Variants in FICD observed in about 807,000 individuals in gnomAD.
FICD encodes FIC domain protein adenylyltransferase.
Under a neutral mutation model 28.0 loss-of-function variants are expected in FICD, and 13 were observed. That is an observed-to-expected ratio of 0.46 (90% CI 0.30 to 0.74). The LOEUF is 0.74. Ranked by LOEUF, FICD falls within the 30% of genes least tolerant of loss-of-function variation. The pLI is 0.07. For missense variants in FICD, 576 were observed against 624.5 expected, an observed-to-expected ratio of 0.92 and a Z score of 0.83; for synonymous variants, 268 against 266.4, an observed-to-expected ratio of 1.01 and a Z score of -0.06.
chr12:108,517,346 A>T, intron 2 of FICD, 73 bp downstream of exon 2: 10 of 1,265,368 alleles, frequency 7.9e-6, no homozygotes, highest in Non-Finnish European at 1.0e-5. Context: ...CATGTCCTGT[A>T]TGTGGGGCAT....
In FICD at chr12:108,515,328, G is replaced by C. The variant is rs1019466062; in HGVS notation, c.-92G>C. 6.6e-6 allele frequency: 1 copy of C among 152,594 alleles called. No homozygotes were observed. The highest frequency in any genetic ancestry group is 2.1e-4 in the South Asian group (1 of 4,850). The allele number at this position is 152,594 out of a possible 1,614,324, so 9.5% of individuals were successfully genotyped here. On this transcript the variant is annotated 5_prime_UTR_variant, in exon 1 of 3. Transcript: ENST00000552695. ...CCGGCGGCCCGGAGCTGGGAGCGCG[G>C]GGAAGGCGGTTGGGGTTCTGACAGC... is the stretch of plus-strand genomic sequence containing the variant.
chr12:108,517,008 G>A lies in FICD; in HGVS notation c.36G>A (p.Val12=). 6.5e-7 allele frequency: 1 copy of A among 1,547,396 alleles called. No homozygotes were observed. Among genetic ancestry groups the A allele is most frequent in the Non-Finnish European group, 8.8e-7 (1 of 1,140,682 alleles). ...MLIPMASVMA[V]TEPKWVSVWS... is the part of the protein sequence containing the mutation. ...TACCAATGGCTTCAGTGATGGCGGT[G>A]ACTGAACCGAAATGGGTCTCGGTCT... The change falls in exon 2 of 3, where the codon GTG becomes GTA. Residue 12 remains valine, a synonymous_variant. Transcript: ENST00000552695.
In FICD at chr12:108,518,459, A is replaced by G. The variant is rs749339574; in HGVS notation, c.361A>G (p.Lys121Glu). 6.2e-7 allele frequency: 1 copy of G among 1,614,190 alleles called. No individual in the cohort carries two copies. Among genetic ancestry groups the G allele is most frequent in the Non-Finnish European group, 8.5e-7 (1 of 1,180,038 alleles). ...NQALEMKRQG[K>E]REKAQKLFMH... is the part of the protein sequence containing the mutation. The stretch of plus-strand genomic sequence containing the variant: ...GGCCCTGGAGATGAAGCGCCAGGGC[A>G]AGCGGGAAAAAGCCCAAAAGCTCTT... Residue 121 changes from lysine (K) to glutamate (E), a missense_variant, in exon 3 of 3, where the codon AAG becomes GAG. Physicochemically the swap from Lys to Glu is moderately conservative, Grantham distance 56. Transcript: ENST00000552695. The surrounding 1 kb of genome is among the most constrained non-coding windows in gnomAD (Gnocchi z 4.4).
rs1232909818 is a variant in FICD, at chr12:108,518,842, G to A, written c.744G>A (p.Glu248=). 6.2e-7 allele frequency: 1 copy of A among 1,614,180 alleles called. No homozygotes were observed. Among genetic ancestry groups the A allele is most frequent in the South Asian group, 1.1e-5 (1 of 91,082 alleles). Residue 248 remains glutamate (E), a synonymous_variant, in exon 3 of 3, where the codon GAG becomes GAA. Transcript: ENST00000552695. This position sits in a 1 kb window ranked among gnomAD's most constrained non-coding sequence, Gnocchi z 4.4. ...TCTCGGAAATCAGGCACATCCTGGA[G>A]ACCCGCTACGCCGTGCCCGGGAAGA... The part of the protein sequence containing the change: ...LTLSEIRHIL[E]TRYAVPGKSL...
chr12:108,519,365 G>A lies in FICD; in HGVS notation c.1267G>A (p.Glu423Lys), dbSNP rs1183824515. ...CATTCGCTTCATCGCCAAGTGTACT[G>A]AGACCACCCTGGACACCCTGCTTTT... ...PFIRFIAKCT[E>K]TTLDTLLFAT... Residue 423 changes from glutamate to lysine, a missense_variant, in exon 3 of 3, where the codon GAG becomes AAG. Coordinates refer to ENST00000552695, the MANE Select transcript of FICD (RefSeq NM_007076.3). This position sits in a 1 kb window ranked among gnomAD's most constrained non-coding sequence, Gnocchi z 4.5. 6.2e-7 allele frequency: 1 copy of A among 1,614,146 alleles called. No homozygotes were observed.
At position 108,520,127 on chromosome 12, in the gene FICD, A is replaced by G. The variant is rs1029771329; in HGVS notation, c.*652A>G. The G allele has an allele frequency of 8.9e-6, 1 of 112,322 alleles. No homozygotes were observed. The highest frequency in any genetic ancestry group is 3.5e-5 in the African/African-American group (1 of 28,382). 7.0% of individuals were successfully genotyped at this position (112,322 alleles called of 1,614,324 possible). A position where few individuals can be genotyped will look rare whatever the true frequency, so the allele number is the denominator to read the frequency against. On this transcript the variant is annotated 3_prime_UTR_variant, in exon 3 of 3. Transcript: ENST00000552695. ...TTTTTCATATTGAGACTATTTTTCT[A>G]ATTAAGAATAGGGGGTAGCCATAAA... is the stretch of plus-strand genomic sequence containing the variant.
rs750298480 is a variant in FICD, at chr12:108,518,417, A to G, written c.319A>G (p.Arg107Gly). 41 of 1,613,800 alleles carry G rather than the reference A, an allele frequency of 2.5e-5. No individual in the cohort carries two copies. The highest frequency in any genetic ancestry group is 3.1e-5 in the Non-Finnish European group (37 of 1,179,856). ...TCTTCCAGCGGGTAAGTTGGAAGCCAGAGCTGCCCTGAACCAGGCCCTGGA... is the reference window on the plus strand; with the variant it reads ...TCTTCCAGCGGGTAAGTTGGAAGCCGGAGCTGCCCTGAACCAGGCCCTGGA... ...KASPAGKLEA[R>G]AALNQALEMK... Residue 107 changes from arginine to glycine, a missense_variant, in exon 3 of 3, where the codon AGA (arginine) becomes GGA (glycine). By Grantham distance (125) the Arg-to-Gly change is moderately radical. Coordinates refer to ENST00000552695, the MANE Select transcript of FICD (RefSeq NM_007076.3). The surrounding 1 kb of genome is among the most constrained non-coding windows in gnomAD (Gnocchi z 4.4).
chr12:108,518,938 G>A lies in FICD; in HGVS notation c.840G>A (p.Ser280=), dbSNP rs375100196. ...AGTACATCAACACGACTCTGGTTTC[G>A]CGCATCGGCTCCGTCACCATCAGCG... is the stretch of plus-strand genomic sequence containing the variant. The part of the protein sequence containing the change: ...AMKYINTTLV[S]RIGSVTISDV... Residue 280 remains serine, a synonymous_variant, in exon 3 of 3, where the codon TCG becomes TCA. Coordinates refer to ENST00000552695, the MANE Select transcript of FICD (RefSeq NM_007076.3). The surrounding 1 kb of genome is among the most constrained non-coding windows in gnomAD (Gnocchi z 4.4). 1.2e-5 allele frequency: 19 copies of A among 1,614,060 alleles called. No individual in the cohort carries two copies. The highest frequency in any genetic ancestry group is 3.3e-5 in the South Asian group (3 of 91,092).
intron 1 of FICD, among the ~76,000 whole-genome samples, chr12:108,516,612 G>C (rs1017259601): frequency 3.3e-5 from 5 of 152,234 alleles, no homozygotes; most frequent in Non-Finnish European, 5.9e-5. Flanking sequence ...ATCAGCTCAA[G>C]TCGTTGAAGA....
Position 108,519,559 on chromosome 12 carries a change from T to A in FICD, c.*84T>A. The A allele has an allele frequency of 2.6e-6, 2 of 780,074 alleles. No homozygotes were observed. The highest frequency in any genetic ancestry group is 2.2e-5 in the South Asian group (1 of 44,718). The allele number at this position is 780,074 out of a possible 1,614,324, so 48.3% of individuals were successfully genotyped here. A position where few individuals can be genotyped will look rare whatever the true frequency, so the allele number is the denominator to read the frequency against. ...CATTTCTAGAAACCTAGTCACTTCCTAAAGCAAAAGGAGAAACATTCTTTA... is the reference window on the plus strand; with the variant it reads ...CATTTCTAGAAACCTAGTCACTTCCAAAAGCAAAAGGAGAAACATTCTTTA... On this transcript the variant is annotated 3_prime_UTR_variant, in exon 3 of 3. Transcript: ENST00000552695. This position sits in a 1 kb window ranked among gnomAD's most constrained non-coding sequence, Gnocchi z 4.5.
rs1278649022 is a variant in FICD, at chr12:108,520,166, G to A, written c.*691G>A. On this transcript the variant is annotated 3_prime_UTR_variant, in exon 3 of 3. Coordinates refer to ENST00000552695, the MANE Select transcript of FICD (RefSeq NM_007076.3). ...GGTAGCCATAAAGAGCTGTATGTTG[G>A]AGGGGGAAACATGGTGGGCGGGCAG... 3 of 148,296 alleles carry A rather than the reference G, an allele frequency of 2.0e-5. No individual in the cohort carries two copies. The highest frequency in any genetic ancestry group is 7.5e-5 in the African/African-American group (3 of 40,228). The allele number at this position is 148,296 out of a possible 1,614,324, so 9.2% of individuals were successfully genotyped here.
At position 108,518,931 on chromosome 12, in the gene FICD, T is replaced by C; in HGVS notation, c.833T>C (p.Leu278Pro). The C allele has an allele frequency of 6.2e-7, 1 of 1,614,170 alleles. No homozygotes were observed. The highest frequency in any genetic ancestry group is 8.5e-7 in the Non-Finnish European group (1 of 1,180,036). Residue 278 changes from leucine (L) to proline (P), a missense_variant, in exon 3 of 3, where the codon CTG becomes CCG. Transcript: ENST00000552695. This position sits in a 1 kb window ranked among gnomAD's most constrained non-coding sequence, Gnocchi z 4.4. Reference protein sequence around the residue: ...HAAMKYINTTLVSRIGSVTIS... With the variant: ...HAAMKYINTTPVSRIGSVTIS... ...GCCATGAAGTACATCAACACGACTC[T>C]GGTTTCGCGCATCGGCTCCGTCACC...
intron 2 of FICD, among the ~76,000 whole-genome samples, chr12:108,517,609 AAG>A (rs1165185056): frequency 6.6e-6 from 1 of 152,166 alleles, no homozygotes; most frequent in Non-Finnish European, 1.5e-5. Context: ...TAACTGTCGT[AAG>A]AGAGCCTGGG....
Position 108,515,380 on chromosome 12 carries a change from C to T in FICD, c.-59+19C>T, listed in dbSNP as rs1871881212. On this transcript the variant is annotated intron_variant, in intron 1 of 2. Coordinates refer to ENST00000552695, the MANE Select transcript of FICD (RefSeq NM_007076.3). ...GCGCGCGGTGAGAAGGGGAAAAGCCCTAGGGGCTCGAGAGGATGAAGCCGG... is the reference window on the plus strand; with the variant it reads ...GCGCGCGGTGAGAAGGGGAAAAGCCTTAGGGGCTCGAGAGGATGAAGCCGG... The T allele has an allele frequency of 6.6e-6, 1 of 152,308 alleles. No homozygotes were observed. The highest frequency in any genetic ancestry group is 2.4e-5 in the African/African-American group (1 of 41,440). The allele number at this position is 152,308 out of a possible 1,614,324, so 9.4% of individuals were successfully genotyped here. A position where few individuals can be genotyped will look rare whatever the true frequency, so the allele number is the denominator to read the frequency against.
Position 108,517,097 on chromosome 12 carries a change from T to C in FICD, c.125T>C (p.Leu42Pro), listed in dbSNP as rs1330589352. ...MVLGSLLALL[L>P]PLGAVEEQCL... ...CTGGGGTCCCTGCTGGCCCTGCTGC[T>C]GCCGCTGGGGGCTGTGGAGGAGCAG... The change falls in exon 2 of 3, where the codon CTG becomes CCG. Residue 42 changes from leucine (L) to proline (P), a missense_variant. Transcript: ENST00000552695. 22 of 1,610,526 alleles carry C rather than the reference T, an allele frequency of 1.4e-5. No homozygotes were observed. Among genetic ancestry groups the C allele is most frequent in the Non-Finnish European group, 1.9e-5 (22 of 1,178,274 alleles).
chr12:108,516,653 G>A (rs1039395697), intron 1 of FICD, among the ~76,000 whole-genome samples: 3 of 152,198 alleles, frequency 2.0e-5, no homozygotes, highest in African/African-American at 7.2e-5. Flanking sequence ...GAGGCATTTG[G>A]TGCTTAGCAC....
chr12:108,519,620 C>T lies in FICD; in HGVS notation c.*145C>T, dbSNP rs892905864. ...TTTTAGTTTTAAAAAAAAAAAAAAA[C>T]TAAGTTATGAAGCCTTGTCTCTAAA... On this transcript the variant is annotated 3_prime_UTR_variant, in exon 3 of 3. Transcript: ENST00000552695. This position sits in a 1 kb window ranked among gnomAD's most constrained non-coding sequence, Gnocchi z 4.5. 8.7e-6 allele frequency: 5 copies of T among 574,126 alleles called. No homozygotes were observed. The highest frequency in any genetic ancestry group is 2.9e-5 in the East Asian group (1 of 34,174). 35.6% of individuals were successfully genotyped at this position (574,126 alleles called of 1,614,324 possible). A position where few individuals can be genotyped will look rare whatever the true frequency, so the allele number is the denominator to read the frequency against.
Position 108,520,833 on chromosome 12 carries a change from G to C in FICD, c.*1358G>C, listed in dbSNP as rs1475704902. The C allele has an allele frequency of 6.6e-6, 1 of 152,218 alleles. No individual in the cohort carries two copies. The highest frequency in any genetic ancestry group is 1.5e-5 in the Non-Finnish European group (1 of 68,036). The allele number at this position is 152,218 out of a possible 1,614,324, so 9.4% of individuals were successfully genotyped here. ...TGAGTGATGGCGAATACGCAGTGTT[G>C]TCTCTTTGATTTGGTAATTCCGTTC... On this transcript the variant is annotated 3_prime_UTR_variant, in exon 3 of 3. Transcript: ENST00000552695.
In FICD at chr12:108,519,623, AGTTATG is replaced by A; in HGVS notation, c.*149_*154del. On this transcript the variant is annotated 3_prime_UTR_variant, in exon 3 of 3. Coordinates refer to ENST00000552695, the MANE Select transcript of FICD (RefSeq NM_007076.3). The surrounding 1 kb of genome is among the most constrained non-coding windows in gnomAD (Gnocchi z 4.5). ...TAGTTTTAAAAAAAAAAAAAAACTA[AGTTATG>A]AAGCCTTGTCTCTAAAATAACTTAT... 1.7e-6 allele frequency: 1 copy of A among 580,866 alleles called. No individual in the cohort carries two copies. Among genetic ancestry groups the A allele is most frequent in the Non-Finnish European group, 3.0e-6 (1 of 337,716 alleles). The allele number at this position is 580,866 out of a possible 1,614,324, so 36.0% of individuals were successfully genotyped here.
Sources: gnomAD v4.1 joint callset for allele counts (sites outside exome capture counted in the v4.1 genomes callset) on GRCh38, gnomAD v4.1.1 for gene constraint, Gnocchi (gnomAD v3.1) non-coding constraint, MANE v1.5 for transcripts, NCBI Gene and HGNC (gene_info 2026-07-23, HGNC 2026-07-21) for gene names.